The following PRKCA variants were observed in gnomAD, a reference collection of about 807,000 sequenced individuals.
PRKCA encodes protein kinase C alpha.
In PRKCA, 27 loss-of-function variants were observed where a neutral mutation model predicts 87.0. The ratio of observed to expected loss-of-function variants is 0.31; its 90% CI spans 0.23 to 0.43. PRKCA has a LOEUF of 0.43. PRKCA is among the 20% of genes least tolerant of loss of function. The probability of loss-of-function intolerance (pLI) is 1.00; values close to 1 mark genes in which losing one functional copy is unlikely to be tolerated. For synonymous variants in PRKCA, 329 were observed against 311.1 expected (o/e 1.06, Z -0.61); for missense variants, 518 against 852.3 (o/e 0.61, Z 4.88).
intron 13 of PRKCA, among the ~76,000 whole-genome samples, chr17:66,754,887 C>T (rs901130725): frequency 6.6e-6 from 1 of 152,034 alleles, no homozygotes; most frequent in Non-Finnish European, 1.5e-5. Context: ...ATCAGGGCCC[C>T]ACCTTGATGA....
chr17:66,479,552 C>G (rs1018300033), intron 2 of PRKCA, among the ~76,000 whole-genome samples: 6 of 152,104 alleles, frequency 3.9e-5, no homozygotes, highest in Non-Finnish European at 8.8e-5. Context: ...GACACATGCA[C>G]ACATATGTTC....
intron 5 of PRKCA, among the ~76,000 whole-genome samples, chr17:66,660,293 G>T (rs905100203): frequency 6.6e-6 from 1 of 152,100 alleles, no homozygotes; most frequent in African/African-American, 2.4e-5. Flanking sequence ...CAACTCAAGG[G>T]CATGTGTTTA....
intron 2 of PRKCA, among the ~76,000 whole-genome samples, chr17:66,452,549 G>C (rs923727947): frequency 3.3e-5 from 5 of 152,164 alleles, no homozygotes; most frequent in African/African-American, 1.2e-4. Context: ...GAGTGTTTTT[G>C]TTGCCTGATA....
intron 3 of PRKCA, among the ~76,000 whole-genome samples, chr17:66,528,492 T>C (rs1967425046): frequency 6.6e-6 from 1 of 152,062 alleles, no homozygotes; most frequent in Non-Finnish European, 1.5e-5. Flanking sequence ...GAGTGAGGGA[T>C]GAACTCACAA....
chr17:66,795,884 C>G (rs978862926), intron 16 of PRKCA, among the ~76,000 whole-genome samples: 2 of 152,240 alleles, frequency 1.3e-5, no homozygotes, highest in Non-Finnish European at 2.9e-5. Context: ...ACACACGTGG[C>G]TCTCACACCT....
chr17:66,735,030 G>A (rs1008330876), intron 9 of PRKCA, among the ~76,000 whole-genome samples: 1 of 152,096 alleles, frequency 6.6e-6, no homozygotes, highest in African/African-American at 2.4e-5. Flanking sequence ...ACTGACATGG[G>A]GTCTTCAGCA....
rs770392350 is a variant in PRKCA, at chr17:66,803,769, G to T, written c.1855-104G>T. The T allele has an allele frequency of 6.8e-7, 1 of 1,476,828 alleles. No homozygotes were observed. The highest frequency in any genetic ancestry group is 9.1e-7 in the Non-Finnish European group (1 of 1,100,358). 91.5% of individuals were successfully genotyped at this position (1,476,828 alleles called of 1,614,324 possible). The stretch of plus-strand genomic sequence containing the variant: ...CGAGATTCCTCCTCCTAACCAGCCC[G>T]GAGTTCCCCAGGGCCGTGCCCCTCC... On this transcript the variant is annotated intron_variant, in intron 16 of 16. Coordinates refer to ENST00000413366, the MANE Select transcript of PRKCA (RefSeq NM_002737.3). This position sits in a 1 kb window ranked among gnomAD's most constrained non-coding sequence, Gnocchi z 4.4.
chr17:66,745,538 G>A (rs1042962247), intron 13 of PRKCA, among the ~76,000 whole-genome samples: 25 of 151,638 alleles, frequency 1.6e-4, no homozygotes, highest in Admixed American at 8.5e-4. Context: ...AAAATTAGCC[G>A]GGTGTGGTGG....
intron 8 of PRKCA, among the ~76,000 whole-genome samples, chr17:66,728,053 A>G (rs559068988): frequency 6.6e-6 from 1 of 152,296 alleles, no homozygotes; most frequent in East Asian, 1.9e-4. Context: ...GGAGTTTCCT[A>G]CCATAACAGA....
chr17:66,565,082 C>T lies in PRKCA; in HGVS notation c.288+68799C>T, dbSNP rs528261228. 3.3e-4 allele frequency among the ~76,000 whole-genome samples: 50 copies of T among 152,288 alleles called. No homozygotes were observed. The Middle Eastern group carries it at 0.01, about 31-fold the overall frequency. ...GATATGTCCCGGTTCTCATTCTGGT[C>T]CCAACACTTATTATGGATGTAACTT... On this transcript the variant is annotated intron_variant, in intron 3 of 16. Coordinates refer to ENST00000413366, the MANE Select transcript of PRKCA (RefSeq NM_002737.3).
chr17:66,320,122 C>A (rs943040879), intron 2 of PRKCA, among the ~76,000 whole-genome samples: 2 of 152,046 alleles, frequency 1.3e-5, no homozygotes, highest in African/African-American at 2.4e-5. Context: ...CAGGAAAAGC[C>A]CTGTTGTTAG....
At chr17:66,628,710 A>G (rs1970925821) in intron 3 of PRKCA, among the ~76,000 whole-genome samples, 2 of 152,180 alleles carry the variant, frequency 1.3e-5, no homozygotes, top group Admixed American at 1.3e-4. Context: ...GTGAGGTTAT[A>G]ACCAAAAAGA....
At chr17:66,728,960 T>C (rs1188729966) in intron 8 of PRKCA, among the ~76,000 whole-genome samples, 1 of 152,244 alleles carries the variant, frequency 6.6e-6, no homozygotes, top group Non-Finnish European at 1.5e-5. Context: ...CAGTTGTGTT[T>C]GGGTGTTTTC....
chr17:66,432,443 A>G (rs1162695541), intron 2 of PRKCA, among the ~76,000 whole-genome samples: 1 of 152,184 alleles, frequency 6.6e-6, no homozygotes, highest in Non-Finnish European at 1.5e-5. Flanking sequence ...GTTTTCTCAG[A>G]CAAAGCTTCA....
At position 66,689,974 on chromosome 17, in the gene PRKCA, C is replaced by A. The variant is rs891439865; in HGVS notation, c.918+927C>A. ...CATGTGTGTAGATGCTGAACTGCTA[C>A]TGAAATGTTGACACTAATGGGATGC... is the stretch of plus-strand genomic sequence containing the variant. On this transcript the variant is annotated intron_variant, in intron 8 of 16. Transcript: ENST00000413366. The surrounding 1 kb of genome is among the most constrained non-coding windows in gnomAD (Gnocchi z 4.1). Among the ~76,000 whole-genome samples, 2 of 152,072 alleles carry A rather than the reference C, an allele frequency of 1.3e-5. No individual in the cohort carries two copies. Among genetic ancestry groups the A allele is most frequent in the Non-Finnish European group, 2.9e-5 (2 of 68,032 alleles).
At chr17:66,352,056 T>C (rs761190192) in intron 2 of PRKCA, among the ~76,000 whole-genome samples, 2 of 152,166 alleles carry the variant, frequency 1.3e-5, no homozygotes, top group Admixed American at 6.5e-5. Flanking sequence ...TGAGGAAGAA[T>C]TTGGTTGGCC....
chr17:66,487,294 T>G (rs1439645067), intron 2 of PRKCA, among the ~76,000 whole-genome samples: 1 of 152,236 alleles, frequency 6.6e-6, no homozygotes, highest in African/African-American at 2.4e-5. Context: ...GTGCCTGGCT[T>G]ATGTCATGTC....
intron 8 of PRKCA, among the ~76,000 whole-genome samples, chr17:66,715,877 CT>C (rs1173963708): frequency 6.6e-6 from 1 of 152,166 alleles, no homozygotes; most frequent in Non-Finnish European, 1.5e-5. Context: ...ACTGCAGTTG[CT>C]TCAGAAACTG....
At chr17:66,659,498 T>C (rs2143890266) in intron 5 of PRKCA, among the ~76,000 whole-genome samples, 1 of 152,200 alleles carries the variant, frequency 6.6e-6, no homozygotes, top group African/African-American at 2.4e-5. Context: ...GAAGATCCCT[T>C]GAGGCCAGAA....
Sources: gnomAD v4.1 joint callset for allele counts (sites outside exome capture counted in the v4.1 genomes callset) on GRCh38, gnomAD v4.1.1 for gene constraint, Gnocchi (gnomAD v3.1) non-coding constraint, MANE v1.5 for transcripts, NCBI Gene and HGNC (gene_info 2026-07-23, HGNC 2026-07-21) for gene names.